PPEF1: variants seen among roughly 807,000 people sequenced by gnomAD.
PPEF1 encodes protein phosphatase with EF-hand domain 1, also known as serine/threonine-protein phosphatase with EF-hands 1.
Under a neutral mutation model 53.3 loss-of-function variants are expected in PPEF1, and 12 were observed. That is an observed-to-expected ratio of 0.23 (90% CI 0.14 to 0.36). The LOEUF (loss-of-function observed/expected upper bound fraction) is 0.36, where lower values mean the gene tolerates loss of function less well. Among genes scored for constraint, PPEF1 ranks in the 10% least tolerant of loss-of-function variants. The pLI is 1.00. For synonymous variants in PPEF1, 165 were observed against 176.7 expected (o/e 0.93, Z 0.52); for missense variants, 334 against 490.4 (o/e 0.68, Z 3.01).
chrX:18,811,968 C>G (rs994919655), intron 12 of PPEF1, among the ~76,000 whole-genome samples: 3 of 111,035 alleles, frequency 2.7e-5, no homozygotes, highest in Admixed American at 9.7e-5. Flanking sequence ...TTATCCCTTT[C>G]TCTGTGGTAT....
chrX:18,682,836 G>A (rs1430200336), upstream of PPEF1, among the ~76,000 whole-genome samples: 1 of 111,310 alleles, frequency 9.0e-6, no homozygotes, highest in Non-Finnish European at 1.9e-5. Flanking sequence ...TTCTGGTAGG[G>A]TAGGTGTATT....
rs1016659728 is a variant in PPEF1, at chrX:18,786,447, C to T, written c.912+2399C>T. On this transcript the variant is annotated intron_variant, in intron 9 of 15. Coordinates refer to ENST00000470157, the MANE Select transcript of PPEF1 (RefSeq NM_001377996.1). ...ATAAACTGAAGATAAAAATACCTAC[C>T]ATATTGGATTTTTGGGAGGATTAAA... 5.4e-5 allele frequency among the ~76,000 whole-genome samples: 6 copies of T among 111,370 alleles called. No individual in the cohort carries two copies. In the Admixed American group the frequency reaches 5.7e-4, roughly 11 times the overall value.
chrX:18,753,936 AG>A (rs1181986043), intron 4 of PPEF1, among the ~76,000 whole-genome samples: 1 of 109,217 alleles, frequency 9.2e-6, no homozygotes, highest in African/African-American at 3.3e-5. Flanking sequence ...TGTTGGGGAA[AG>A]TGTTTAGTAG....
At chrX:18,745,131 AATTATAT>A (rs1569254472) in intron 3 of PPEF1, among the ~76,000 whole-genome samples, 11 of 96,107 alleles carry the variant, frequency 1.1e-4, no homozygotes, top group Non-Finnish European at 2.2e-4. Flanking sequence ...TATATTATAT[AATTATAT>A]TATATATATT....
At chrX:18,720,541 A>C (rs779923692) in intron 1 of PPEF1, among the ~76,000 whole-genome samples, 3 of 110,766 alleles carry the variant, frequency 2.7e-5, no homozygotes, top group African/African-American at 9.9e-5. Context: ...GCAGTGAGCC[A>C]AGATCGCGCC....
chrX:18,794,342 C>CT (rs2046385814), intron 10 of PPEF1, among the ~76,000 whole-genome samples: 1 of 112,947 alleles, frequency 8.9e-6, no homozygotes, highest in Non-Finnish European at 1.9e-5. Flanking sequence ...TCAACAGTGC[C>CT]TTTAGGCATG....
chrX:18,700,217 C>G, intron 5 of PPEF1: 1 of 103,293 alleles, frequency 9.7e-6, no homozygotes, highest in African/African-American at 3.6e-5. Context: ...TTTATTTAAG[C>G]AAGAGCTCTC....
chrX:18,680,330 A>G, upstream of PPEF1, among the ~76,000 whole-genome samples: 1 of 108,500 alleles, frequency 9.2e-6, no homozygotes, highest in East Asian at 2.9e-4. Context: ...GCCTTTCCTG[A>G]CTGTCTACTG....
upstream of PPEF1, among the ~76,000 whole-genome samples, chrX:18,675,564 A>G (rs941975295): frequency 8.9e-5 from 10 of 112,637 alleles, no homozygotes; most frequent in Non-Finnish European, 1.7e-4. Flanking sequence ...TGCAAATGCC[A>G]GGGCTTCCGT....
intron 12 of PPEF1, among the ~76,000 whole-genome samples, chrX:18,808,565 AC>A (rs1277637554): frequency 3.3e-4 from 33 of 100,050 alleles, no homozygotes; most frequent in African/African-American, 1.1e-3. Flanking sequence ...AAAAAAAAAA[AC>A]CAAGTAATCC....
chrX:18,681,229 G>T (rs1928874485), upstream of PPEF1, among the ~76,000 whole-genome samples: 1 of 111,557 alleles, frequency 9.0e-6, no homozygotes, highest in Non-Finnish European at 1.9e-5. Context: ...CGCCCACCTT[G>T]GCCTCCCAAA....
At chrX:18,818,479 T>G (rs778079227) in intron 13 of PPEF1, among the ~76,000 whole-genome samples, 10 of 108,540 alleles carry the variant, frequency 9.2e-5, no homozygotes, top group Non-Finnish European at 1.9e-4. Flanking sequence ...TAAGCAATTC[T>G]CCTGCCTCAG....
At chrX:18,687,046 A>G (rs1025517848) in intron 3 of PPEF1, among the ~76,000 whole-genome samples, 1 of 111,614 alleles carries the variant, frequency 9.0e-6, no homozygotes, top group Admixed American at 9.6e-5. Context: ...TCCTCCAGGC[A>G]TTGTGTCCTG....
chrX:18,732,627 T>G (rs2147376839), intron 2 of PPEF1, among the ~76,000 whole-genome samples: 1 of 112,367 alleles, frequency 8.9e-6, no homozygotes, highest in South Asian at 3.7e-4. Context: ...ATTAAAATCA[T>G]ACATTTTGAT....
chrX:18,826,936 G>A (rs1299847029), intron 15 of PPEF1, among the ~76,000 whole-genome samples: 47 of 110,354 alleles, frequency 4.3e-4, no homozygotes, highest in Non-Finnish European at 1.3e-4. Flanking sequence ...CTGCTTTGAT[G>A]TCATCCTCCT....
chrX:18,688,129 G>T (rs1286615147), intron 3 of PPEF1, among the ~76,000 whole-genome samples: 2 of 112,279 alleles, frequency 1.8e-5, no homozygotes, highest in Non-Finnish European at 1.9e-5. Flanking sequence ...TAATCTTCCT[G>T]TTCTTCTCTG....
At chrX:18,720,547 G>A (rs60233731) in intron 1 of PPEF1, among the ~76,000 whole-genome samples, 2,538 of 110,156 alleles carry the variant, frequency 0.023, 80 homozygotes, top group African/African-American at 0.079. Flanking sequence ...AGCCAAGATC[G>A]CGCCACTGCA....
intron 6 of PPEF1, among the ~76,000 whole-genome samples, chrX:18,701,876 C>T (rs750947164): frequency 7.1e-5 from 8 of 112,513 alleles, no homozygotes; most frequent in Non-Finnish European, 1.3e-4. Flanking sequence ...CACCAGGCCA[C>T]GCTGTTTCCT....
Position 18,690,462 on chromosome X carries a change from C to T in PPEF1, c.-425-520C>T, listed in dbSNP as rs539065933. ...CACTGTCTCAGCTCACTGCAACCTC[C>T]ACCTCCCGAGTTCAAGTGATTTTCC... On this transcript the variant is annotated intron_variant, in intron 3 of 21. Transcript: ENST00000361511. 7.4e-5 allele frequency among the ~76,000 whole-genome samples: 8 copies of T among 107,900 alleles called. No individual in the cohort carries two copies. The South Asian group carries it at 1.7e-3, about 23-fold the overall frequency. 93.7% of individuals were successfully genotyped at this position (107,900 alleles called of 115,157 possible).
Sources: allele counts gnomAD v4.1 joint callset (sites outside exome capture counted in the v4.1 genomes callset), GRCh38; gene constraint gnomAD v4.1.1; transcripts MANE v1.5; gene names NCBI Gene and HGNC (gene_info 2026-07-23, HGNC 2026-07-21).